Variants in GLI2 observed in about 807,000 individuals in gnomAD.
The protein encoded by GLI2 is transcription activator GLI2.
A neutral mutation model predicts 78.9 loss-of-function variants in GLI2; 22 were observed. The ratio of observed to expected loss-of-function variants is 0.28; its 90% CI spans 0.20 to 0.40. GLI2 has a LOEUF of 0.40. GLI2 is among the 10% of genes least tolerant of loss of function. GLI2 has a pLI of 1.00. For missense variants in GLI2, 2,097 were observed against 2,213.2 expected, an observed-to-expected ratio of 0.95 and a Z score of 1.05; for synonymous variants, 974 against 963.7, an observed-to-expected ratio of 1.01 and a Z score of -0.20.
In GLI2 at chr2:120,927,467, G is replaced by T; in HGVS notation, c.254+1G>T. 6.2e-7 allele frequency: 1 copy of T among 1,600,626 alleles called. No individual in the cohort carries two copies. ...CTCATTCTGTCCACGGTGTGCACGG[G>T]TAAGTCCTGCCCTCTGCCTGCTGCT... On this transcript the variant is annotated splice_donor_variant, in intron 3 of 13. Coordinates refer to ENST00000361492, the MANE Select transcript of GLI2 (RefSeq NM_001374353.1). LOFTEE classifies it high-confidence loss of function.
intron 3 of GLI2, among the ~76,000 whole-genome samples, chr2:120,946,753 C>A (rs1408923124): frequency 6.6e-6 from 1 of 152,208 alleles, no homozygotes; most frequent in Non-Finnish European, 1.5e-5. Flanking sequence ...AGACCCTCAG[C>A]TGGGGCCTGG....
chr2:120,871,379 T>G (rs930426363), intron 2 of GLI2, among the ~76,000 whole-genome samples: 5 of 152,202 alleles, frequency 3.3e-5, no homozygotes, highest in African/African-American at 1.2e-4. Flanking sequence ...TGGCTGATGT[T>G]GAGAAACGGA....
intron 1 of GLI2, among the ~76,000 whole-genome samples, chr2:120,788,486 C>T (rs747053279): frequency 7.9e-5 from 12 of 152,190 alleles, no homozygotes; most frequent in Non-Finnish European, 1.5e-4. Flanking sequence ...TCTCAAATGT[C>T]AACCTCAAAG....
intron 2 of GLI2, among the ~76,000 whole-genome samples, chr2:120,818,770 A>G (rs1354493365): frequency 1.3e-5 from 2 of 152,204 alleles, no homozygotes; most frequent in African/African-American, 2.4e-5. Flanking sequence ...TGTTTCATTC[A>G]AAAGGCATTT....
chr2:120,912,086 C>T (rs1001499670), intron 2 of GLI2, among the ~76,000 whole-genome samples: 4 of 152,176 alleles, frequency 2.6e-5, no homozygotes, highest in South Asian at 2.1e-4. Context: ...ACAAACGCCT[C>T]GGATGAGAGT....
Position 120,955,345 on chromosome 2 carries a change from C to A in GLI2, c.558C>A (p.His186Gln). ...YYHQMTLVAG[H>Q]PAPYGDLLMQ... ...ACCAGATGACCCTCGTGGCAGGCCA[C>A]CCCGCGCCCTACGGGGACCTGCTGA... Residue 186 changes from histidine to glutamine, a missense_variant, in exon 5 of 14, where the codon CAC becomes CAA. By Grantham distance (24) the His-to-Gln change is conservative. Transcript: ENST00000361492. The A allele has an allele frequency of 6.2e-7, 1 of 1,613,554 alleles. No homozygotes were observed. The highest frequency in any genetic ancestry group is 8.5e-7 in the Non-Finnish European group (1 of 1,179,658).
At position 120,800,630 on chromosome 2, in the gene GLI2, C is replaced by CA. The variant is rs1553449760; in HGVS notation, c.148+3163dup. ...ACGCCATTCTCCTGCCTCAGCCTCCCAGTAGCTGGGACTACAGGCACCCGC... is the reference window on the plus strand; with the variant it reads ...ACGCCATTCTCCTGCCTCAGCCTCCCAAGTAGCTGGGACTACAGGCACCCGC... On this transcript the variant is annotated intron_variant, in intron 2 of 13. Coordinates refer to ENST00000361492, the MANE Select transcript of GLI2 (RefSeq NM_001374353.1). This position sits in a 1 kb window ranked among gnomAD's most constrained non-coding sequence, Gnocchi z 4.1. 4.0e-5 allele frequency among the ~76,000 whole-genome samples: 6 copies of CA among 151,508 alleles called. No homozygotes were observed. Among genetic ancestry groups the CA allele is most frequent in the Non-Finnish European group, 8.8e-5 (6 of 67,826 alleles).
chr2:120,826,418 C>G lies in GLI2; in HGVS notation c.148+28950C>G, dbSNP rs531941656. ...CAGTTTTCATGCACAGGCCCAGAACCCAGCCAGCCCCCTCCCTCTGCTGCT... is the reference window on the plus strand; with the variant it reads ...CAGTTTTCATGCACAGGCCCAGAACGCAGCCAGCCCCCTCCCTCTGCTGCT... On this transcript the variant is annotated intron_variant, in intron 2 of 13. Transcript: ENST00000361492. Among the ~76,000 whole-genome samples, 5 of 152,278 alleles carry G rather than the reference C, an allele frequency of 3.3e-5. No homozygotes were observed. In the South Asian group the frequency reaches 6.2e-4, roughly 19 times the overall value.
At chr2:120,851,514 G>C (rs1020003853) in intron 2 of GLI2, among the ~76,000 whole-genome samples, 2 of 152,252 alleles carry the variant, frequency 1.3e-5, no homozygotes, top group Non-Finnish European at 2.9e-5. Flanking sequence ...CAAGGCTGCT[G>C]TGTGCCTGGG....
At chr2:120,743,395 G>C (rs1307542467) in intron 1 of GLI2, among the ~76,000 whole-genome samples, 1 of 152,100 alleles carries the variant, frequency 6.6e-6, no homozygotes, top group African/African-American at 2.4e-5. Context: ...CTGGAGTTCA[G>C]GAGTTCGAGG....
intron 4 of GLI2, among the ~76,000 whole-genome samples, chr2:120,953,611 C>T (rs1255240682): frequency 2.0e-5 from 3 of 152,182 alleles, no homozygotes; most frequent in African/African-American, 7.2e-5. Flanking sequence ...GTAAAGACGT[C>T]TACGGGAGGA....
At chr2:120,779,131 C>T (rs1683765544) in intron 1 of GLI2, among the ~76,000 whole-genome samples, 1 of 152,244 alleles carries the variant, frequency 6.6e-6, no homozygotes, top group South Asian at 2.1e-4. Context: ...CATGAGCCCG[C>T]ACTGCCCAGA....
At chr2:120,785,614 C>T (rs1683976028) in intron 1 of GLI2, among the ~76,000 whole-genome samples, 1 of 152,140 alleles carries the variant, frequency 6.6e-6, no homozygotes, top group Non-Finnish European at 1.5e-5. Context: ...GCACTCCCAC[C>T]CCTGCCCTGC....
intron 2 of GLI2, among the ~76,000 whole-genome samples, chr2:120,920,097 G>T (rs1014988396): frequency 1.3e-5 from 2 of 152,222 alleles, no homozygotes; most frequent in Non-Finnish European, 2.9e-5. Flanking sequence ...ATTCCCTCCC[G>T]CAGTCTTGAT....
intron 5 of GLI2, among the ~76,000 whole-genome samples, chr2:120,965,726 A>G (rs1452456306): frequency 6.6e-6 from 1 of 152,222 alleles, no homozygotes; most frequent in Non-Finnish European, 1.5e-5. Context: ...TTTGCCGTCC[A>G]GGATCCCTAT....
intron 2 of GLI2, among the ~76,000 whole-genome samples, chr2:120,804,446 T>C (rs1684850220): frequency 6.6e-6 from 1 of 152,228 alleles, no homozygotes; most frequent in Non-Finnish European, 1.5e-5. Context: ...CAGCTGTCTC[T>C]GGGTATAAGG....
At chr2:120,844,343 C>T (rs1317729858) in intron 2 of GLI2, among the ~76,000 whole-genome samples, 1 of 152,218 alleles carries the variant, frequency 6.6e-6, no homozygotes, top group Admixed American at 6.5e-5. Flanking sequence ...CTAATCCTTA[C>T]TTTGATTGCC....
chr2:120,793,886 G>A lies in GLI2; in HGVS notation c.-30-3405G>A, dbSNP rs1275603909. 3.3e-5 allele frequency among the ~76,000 whole-genome samples: 5 copies of A among 152,326 alleles called. No homozygotes were observed. The East Asian group carries it at 9.7e-4, about 29-fold the overall frequency. ...GTAGGCCTGGCCCCGTGCCTTCCTGGGGAGTGGCCTTGGGCAGCTCACTCC... is the reference window on the plus strand; with the variant it reads ...GTAGGCCTGGCCCCGTGCCTTCCTGAGGAGTGGCCTTGGGCAGCTCACTCC... On this transcript the variant is annotated intron_variant, in intron 1 of 13. Coordinates refer to ENST00000361492, the MANE Select transcript of GLI2 (RefSeq NM_001374353.1).
chr2:120,868,329 A>G (rs1466472080), intron 2 of GLI2, among the ~76,000 whole-genome samples: 2 of 152,246 alleles, frequency 1.3e-5, no homozygotes, highest in Admixed American at 1.3e-4. Flanking sequence ...AGAGAAGGAA[A>G]CAAAATCATA....
Sources: gnomAD v4.1 joint callset for allele counts (sites outside exome capture counted in the v4.1 genomes callset) on GRCh38, gnomAD v4.1.1 for gene constraint, Gnocchi (gnomAD v3.1) non-coding constraint, MANE v1.5 for transcripts, NCBI Gene and HGNC (gene_info 2026-07-23, HGNC 2026-07-21) for gene names.